ZNF618: variants seen among roughly 807,000 people sequenced by gnomAD.
ZNF618 encodes the protein zinc finger protein 618.
A neutral mutation model predicts 103.0 loss-of-function variants in ZNF618; 34 were observed. That is an observed-to-expected ratio of 0.33 (90% confidence interval 0.25 to 0.44). The LOEUF is 0.44. ZNF618 is among the 20% of genes least tolerant of loss of function. The probability of loss-of-function intolerance (pLI) is 1.00; values close to 1 mark genes in which losing one functional copy is unlikely to be tolerated. For missense variants in ZNF618, 1,059 were observed against 1,295.4 expected (o/e 0.82, Z 2.80); for synonymous variants, 551 against 542.2 (o/e 1.02, Z -0.23).
intron 13 of ZNF618, among the ~76,000 whole-genome samples, 198 bp downstream of exon 13, chr9:114,036,575 G>A (rs572633190): frequency 1.1e-4 from 17 of 152,218 alleles, no homozygotes; most frequent in African/African-American, 1.4e-4. Flanking sequence ...AGGTGGGGGC[G>A]GTGGGGAGGC....
chr9:113,932,309 C>T (rs1431666590), intron 1 of ZNF618, among the ~76,000 whole-genome samples: 2 of 152,048 alleles, frequency 1.3e-5, no homozygotes, highest in Non-Finnish European at 2.9e-5. Flanking sequence ...AGTAGAAAGG[C>T]CACAGTGGCT....
rs551681240 is a variant in ZNF618, at chr9:113,938,830, G to A, written c.34-30287G>A. 3.0e-4 allele frequency among the ~76,000 whole-genome samples: 46 copies of A among 152,068 alleles called. 1 individual carries two copies. Among genetic ancestry groups the A allele is most frequent in the Admixed American group, 2.8e-3 (43 of 15,280 alleles). On this transcript the variant is annotated intron_variant, in intron 1 of 14. Transcript: ENST00000374126. The stretch of plus-strand genomic sequence containing the variant: ...AGTGATTCAGCCACCTCAGCCTCCC[G>A]AAGTGCTGGGATTACAGGTGTGAGC...
intron 1 of ZNF618, among the ~76,000 whole-genome samples, chr9:113,876,776 C>A (rs143841220): frequency 3.3e-5 from 5 of 150,050 alleles, no homozygotes; most frequent in Admixed American, 6.6e-5. Flanking sequence ...CCCTCCCCCC[C>A]AAATTTGCAA....
At chr9:113,975,252 G>A (rs763786298) in intron 2 of ZNF618, among the ~76,000 whole-genome samples, 19 of 152,120 alleles carry the variant, frequency 1.2e-4, no homozygotes, top group Middle Eastern at 3.2e-3. Flanking sequence ...ATAGTGATTG[G>A]CATCCCTCAT....
chr9:113,943,951 G>A lies in ZNF618; in HGVS notation c.34-25166G>A, dbSNP rs1465712239. Among the ~76,000 whole-genome samples, 4 of 152,192 alleles carry A rather than the reference G, an allele frequency of 2.6e-5. No homozygotes were observed. In the East Asian group the frequency reaches 7.7e-4, roughly 29 times the overall value. On this transcript the variant is annotated intron_variant, in intron 1 of 14. Transcript: ENST00000374126. ...GAGAGTAAGAGTCAAGTGAGGCTTA[G>A]GTTTTCAGGTTTCCTCGTTTTAATG...
At chr9:114,028,524 T>C in intron 10 of ZNF618, 1 of 733,772 alleles carries the variant, frequency 1.4e-6, no homozygotes. Flanking sequence ...GTTGGTGGCC[T>C]CCAGATAACT....
At chr9:114,024,318 A>T (rs1843311470) in intron 10 of ZNF618, among the ~76,000 whole-genome samples, 1 of 151,460 alleles carries the variant, frequency 6.6e-6, no homozygotes, top group Non-Finnish European at 1.5e-5. Flanking sequence ...ATTATTTTTC[A>T]TCTTTCCTTG....
At chr9:113,973,583 A>G (rs952239260) in intron 2 of ZNF618, among the ~76,000 whole-genome samples, 4 of 152,152 alleles carry the variant, frequency 2.6e-5, no homozygotes, top group Non-Finnish European at 5.9e-5. Context: ...TGATCCCAGC[A>G]CTTGAGGTTA....
At chr9:113,920,709 G>A (rs535053567) in intron 1 of ZNF618, among the ~76,000 whole-genome samples, 385 of 152,244 alleles carry the variant, frequency 2.5e-3, no homozygotes, top group Non-Finnish European at 4.6e-3. Flanking sequence ...GCCAAGAGTC[G>A]CAATTTTTAA....
At chr9:113,959,149 C>T (rs2761689) in intron 1 of ZNF618, among the ~76,000 whole-genome samples, 9,131 of 152,050 alleles carry the variant, frequency 0.06, 364 homozygotes, top group African/African-American at 0.12. Context: ...ATTAGCCGGG[C>T]GTCGTGGCGC....
chr9:114,049,471 C>T lies in ZNF618; in HGVS notation c.2169C>T (p.Leu723=), dbSNP rs1164149197. 1.2e-6 allele frequency: 2 copies of T among 1,611,846 alleles called. No individual in the cohort carries two copies. Among genetic ancestry groups the T allele is most frequent in the Admixed American group, 1.7e-5 (1 of 59,664 alleles). Residue 723 remains leucine, a synonymous_variant, in exon 15 of 15, where the codon CTC becomes CTT. Coordinates refer to ENST00000374126, the MANE Select transcript of ZNF618 (RefSeq NM_001318042.2). ...EFYSRAKKMN[L]IQSLNKHLLS... ...ACAGCCGGGCCAAGAAGATGAACCTCATCCAGAGCCTCAACAAGCACCTGC... is the reference window on the plus strand; with the variant it reads ...ACAGCCGGGCCAAGAAGATGAACCTTATCCAGAGCCTCAACAAGCACCTGC...
chr9:114,019,596 G>A (rs1283808513), intron 10 of ZNF618, among the ~76,000 whole-genome samples: 6 of 152,190 alleles, frequency 3.9e-5, no homozygotes, highest in Non-Finnish European at 2.9e-5. Flanking sequence ...AACTAATGAC[G>A]TTGAACATCT....
In ZNF618 at chr9:113,988,549, G is replaced by A. The variant is rs1839711755; in HGVS notation, c.306G>A (p.Val102=). Residue 102 remains valine, a synonymous_variant, in exon 3 of 15, where the codon GTG becomes GTA. Coordinates refer to ENST00000374126, the MANE Select transcript of ZNF618 (RefSeq NM_001318042.2). ...ACGTGCCTGCCGAGATCTGCGTGGT[G>A]ATCGGCGGCGTCCGCAACCAGCAGA... The part of the protein sequence containing the change: ...TSDVPAEICV[V]IGGVRNQQTL... The A allele has an allele frequency of 6.2e-7, 1 of 1,610,536 alleles. No homozygotes were observed. Among genetic ancestry groups the A allele is most frequent in the Admixed American group, 1.7e-5 (1 of 59,874 alleles).
intron 1 of ZNF618, among the ~76,000 whole-genome samples, chr9:113,966,796 T>C (rs1382959339): frequency 6.6e-6 from 1 of 152,192 alleles, no homozygotes; most frequent in Admixed American, 6.5e-5. Flanking sequence ...GGTAGAACTC[T>C]CCTCTAGTTG....
At position 113,951,504 on chromosome 9, in the gene ZNF618, CAT is replaced by C. The variant is rs775621876; in HGVS notation, c.34-17608_34-17607del. Among the ~76,000 whole-genome samples, 133 of 55,844 alleles carry C rather than the reference CAT, an allele frequency of 2.4e-3. 17 individuals are homozygous for C. Among genetic ancestry groups the C allele is most frequent in the East Asian group, 5.8e-3 (10 of 1,738 alleles). 36.6% of individuals were successfully genotyped at this position (55,844 alleles called of 152,430 possible). A position where few individuals can be genotyped will look rare whatever the true frequency, so the allele number is the denominator to read the frequency against. On this transcript the variant is annotated intron_variant, in intron 1 of 14. Transcript: ENST00000374126. Reference sequence around the variant, plus strand: ...ACACATATATGTGTGTATGTGTACACATATATGTGTGTATATGTACACATATG... The same window carrying C: ...ACACATATATGTGTGTATGTGTACACATATGTGTGTATATGTACACATATG...
At chr9:113,960,035 C>T (rs778010365) in intron 1 of ZNF618, among the ~76,000 whole-genome samples, 13 of 152,246 alleles carry the variant, frequency 8.5e-5, no homozygotes, top group Non-Finnish European at 1.6e-4. Context: ...TAATCTAAGA[C>T]TGGCAGAGGT....
At chr9:113,975,668 TC>T (rs1423375398) in intron 2 of ZNF618, among the ~76,000 whole-genome samples, 2 of 152,152 alleles carry the variant, frequency 1.3e-5, no homozygotes, top group African/African-American at 2.4e-5. Flanking sequence ...GTGGAAATAT[TC>T]CAAAAACTGA....
intron 1 of ZNF618, among the ~76,000 whole-genome samples, chr9:113,908,494 T>C (rs570662389): frequency 6.6e-6 from 1 of 152,346 alleles, no homozygotes; most frequent in Admixed American, 6.5e-5. Flanking sequence ...TATTCTATGT[T>C]ATACATTTTT....
At chr9:114,029,556 C>T (rs1469234660) in intron 11 of ZNF618, among the ~76,000 whole-genome samples, 1 of 152,148 alleles carries the variant, frequency 6.6e-6, no homozygotes, top group Non-Finnish European at 1.5e-5. Flanking sequence ...TACATCCAAC[C>T]CAGTTCATCT....
Sources: allele counts gnomAD v4.1 joint callset (sites outside exome capture counted in the v4.1 genomes callset), GRCh38; gene constraint gnomAD v4.1.1; transcripts MANE v1.5; gene names NCBI Gene and HGNC (gene_info 2026-07-23, HGNC 2026-07-21).